AP3B1: variants seen among roughly 807,000 people sequenced by gnomAD.
AP3B1 encodes the protein adaptor related protein complex 3 subunit beta 1.
Under a neutral mutation model 132.5 loss-of-function variants are expected in AP3B1, and 61 were observed. The ratio of observed to expected loss-of-function variants is 0.46; its 90% CI spans 0.37 to 0.57. The LOEUF (loss-of-function observed/expected upper bound fraction) is 0.57. Ranked by LOEUF, AP3B1 falls within the 20% of genes least tolerant of loss-of-function variation. The probability of loss-of-function intolerance (pLI) is 0.00; values close to 1 mark genes in which losing one functional copy is unlikely to be tolerated. For synonymous variants in AP3B1, 388 were observed against 438.3 expected (o/e 0.89, Z 1.43); for missense variants, 1,120 against 1,289.4 (o/e 0.87, Z 2.01).
chr5:78,285,204 A>C (rs28730319), intron 1 of AP3B1, among the ~76,000 whole-genome samples: 1 of 150,568 alleles, frequency 6.6e-6, no homozygotes, highest in African/African-American at 2.4e-5. Flanking sequence ...AGTCGAGATC[A>C]CGCCACTGCA....
chr5:78,040,083 A>C (rs1489784990), intron 22 of AP3B1, among the ~76,000 whole-genome samples: 1 of 151,974 alleles, frequency 6.6e-6, no homozygotes, highest in Non-Finnish European at 1.5e-5. Flanking sequence ...ATTTTCTTTT[A>C]CTGTAAACTG....
chr5:78,004,022 C>T (rs936803255), intron 26 of AP3B1, among the ~76,000 whole-genome samples: 4 of 152,096 alleles, frequency 2.6e-5, no homozygotes, highest in African/African-American at 9.7e-5. Flanking sequence ...TGGAGAAAAA[C>T]AAAGTTGCTG....
At chr5:78,065,647 G>C (rs1749257477) in intron 22 of AP3B1, among the ~76,000 whole-genome samples, 1 of 152,080 alleles carries the variant, frequency 6.6e-6, no homozygotes, top group Admixed American at 6.5e-5. Context: ...AGGGGTTTAG[G>C]GACAGAACTC....
chr5:78,156,987 C>A (rs1743175420), intron 13 of AP3B1, among the ~76,000 whole-genome samples: 1 of 152,132 alleles, frequency 6.6e-6, no homozygotes, highest in African/African-American at 2.4e-5. Flanking sequence ...CAGCACTGTG[C>A]CCTAAGAGGC....
chr5:78,107,479 A>G (rs1436288162), intron 20 of AP3B1, among the ~76,000 whole-genome samples: 1 of 152,214 alleles, frequency 6.6e-6, no homozygotes, highest in Admixed American at 6.5e-5. Flanking sequence ...TGAATGCCAC[A>G]GTTGGCAGAA....
At chr5:78,249,170 C>A (rs1747517625) in intron 2 of AP3B1, among the ~76,000 whole-genome samples, 1 of 151,900 alleles carries the variant, frequency 6.6e-6, no homozygotes, top group Non-Finnish European at 1.5e-5. Flanking sequence ...GCCTGACCAA[C>A]ATGGTGAAAC....
At chr5:78,034,265 T>G (rs1462700471) in intron 24 of AP3B1, 96 bp downstream of exon 24, 1 of 918,110 alleles carries the variant, frequency 1.1e-6, no homozygotes, top group Non-Finnish European at 1.8e-6. Flanking sequence ...TTAAATGTTT[T>G]GTCTTTCACA....
intron 6 of AP3B1, among the ~76,000 whole-genome samples, chr5:78,224,016 A>G (rs1041919122): frequency 6.6e-6 from 1 of 152,040 alleles, no homozygotes; most frequent in Admixed American, 6.6e-5. Context: ...AGATCTTACT[A>G]CTCTCCATGG....
At position 78,119,734 on chromosome 5, in the gene AP3B1, G is replaced by A. The variant is rs951403690; in HGVS notation, c.1969-3500C>T. ...TCTCATTGGTGTACCTGAAAGTGAC[G>A]GGTAGAATGGAACCAAGTGGGAAAA... On this transcript the variant is annotated intron_variant, in intron 17 of 26. Transcript: ENST00000255194. 9.8e-5 allele frequency among the ~76,000 whole-genome samples: 15 copies of A among 152,300 alleles called. 1 individual carries two copies. The East Asian group carries it at 2.3e-3, about 24-fold the overall frequency.
rs774194664 is a variant in AP3B1 at position 78,165,624 on chromosome 5, G to A, written c.1216C>T (p.Leu406Phe). Residue 406 changes from leucine to phenylalanine, a missense_variant, in exon 12 of 27, where the codon CTT becomes TTT. By Grantham distance (22) the Leu-to-Phe change is conservative (BLOSUM62 0). Around this residue, in one of 3 missense-constraint regions of AP3B1, gnomAD observed 906 missense variants for 997.1 expected, o/e 0.91. Coordinates refer to ENST00000255194, the MANE Select transcript of AP3B1 (RefSeq NM_003664.5). ...TGTACACAAACCTGAAATTCTCGAA[G>A]AAGAGTTGATATGTTGGCTTCATTT... ...LANEANISTL[L>F]REFQTYVKSQ... is the part of the protein sequence containing the mutation. 1.2e-6 allele frequency: 2 copies of A among 1,609,282 alleles called. No homozygotes were observed. Among genetic ancestry groups the A allele is most frequent in the East Asian group, 4.5e-5 (2 of 44,794 alleles).
intron 12 of AP3B1, among the ~76,000 whole-genome samples, 197 bp from the exon 13 acceptor site, chr5:78,163,148 C>A (rs1449541495): frequency 6.6e-6 from 1 of 152,014 alleles, no homozygotes; most frequent in Non-Finnish European, 1.5e-5. Flanking sequence ...TGCCTATGGA[C>A]GAAGCACATT....
intron 22 of AP3B1, among the ~76,000 whole-genome samples, chr5:78,088,283 T>A (rs537598305): frequency 6.6e-6 from 1 of 152,208 alleles, no homozygotes; most frequent in African/African-American, 2.4e-5. Context: ...CTTTTCCTTT[T>A]AGAAACAAGG....
chr5:78,166,027 G>A (rs1743604478), intron 11 of AP3B1, among the ~76,000 whole-genome samples: 1 of 151,930 alleles, frequency 6.6e-6, no homozygotes, highest in African/African-American at 2.4e-5. Context: ...GCAGTGAGCA[G>A]GAGAATTGCT....
At chr5:78,229,571 AAAAC>A in intron 3 of AP3B1, among the ~76,000 whole-genome samples, 1 of 124,766 alleles carries the variant, frequency 8.0e-6, no homozygotes, top group East Asian at 2.6e-4. Context: ...CATTTCTAGT[AAAAC>A]AAAAAAAAAA....
At chr5:78,217,349 G>A (rs144697637) in intron 6 of AP3B1, among the ~76,000 whole-genome samples, 191 of 152,216 alleles carry the variant, frequency 1.3e-3, no homozygotes, top group African/African-American at 4.2e-3. Context: ...TTCAAGTCCT[G>A]TGGGGATTTT....
At chr5:78,173,711 T>G (rs570840897) in intron 11 of AP3B1, among the ~76,000 whole-genome samples, 1 of 151,992 alleles carries the variant, frequency 6.6e-6, no homozygotes, top group African/African-American at 2.4e-5. Flanking sequence ...CTGTATTTCT[T>G]GAATTTGAAT....
At chr5:78,168,785 CAAT>C (rs1049449341) in intron 11 of AP3B1, among the ~76,000 whole-genome samples, 2 of 152,154 alleles carry the variant, frequency 1.3e-5, no homozygotes, top group African/African-American at 4.8e-5. Context: ...ATAACTGTCT[CAAT>C]GATGTATAAT....
In AP3B1 at chr5:78,165,620, C is replaced by G. The variant is rs779980435; in HGVS notation, c.1220G>C (p.Arg407Pro). 1 of 1,608,172 alleles carries G rather than the reference C, an allele frequency of 6.2e-7. No individual in the cohort carries two copies. Among genetic ancestry groups the G allele is most frequent in the South Asian group, 1.1e-5 (1 of 90,584 alleles). Residue 407 changes from arginine (R) to proline (P), a missense_variant, in exon 12 of 27, where the codon CGA becomes CCA. Around this residue, in one of 3 missense-constraint regions of AP3B1, gnomAD observed 906 missense variants for 997.1 expected, o/e 0.91. Coordinates refer to ENST00000255194, the MANE Select transcript of AP3B1 (RefSeq NM_003664.5). ...ANEANISTLL[R>P]EFQTYVKSQD... is the part of the protein sequence containing the mutation. Reference sequence around the variant, plus strand: ...GCACTGTACACAAACCTGAAATTCTCGAAGAAGAGTTGATATGTTGGCTTC... The same window carrying G: ...GCACTGTACACAAACCTGAAATTCTGGAAGAAGAGTTGATATGTTGGCTTC...
intron 1 of AP3B1, among the ~76,000 whole-genome samples, chr5:78,291,339 A>G (rs1481937108): frequency 2.1e-5 from 3 of 143,898 alleles, no homozygotes; most frequent in Non-Finnish European, 4.6e-5. Flanking sequence ...AGATTGATCA[A>G]TGGTTGTTAA....
Sources: gnomAD v4.1 joint callset for allele counts (sites outside exome capture counted in the v4.1 genomes callset) on GRCh38, gnomAD v4.1.1 for gene constraint, gnomAD v4.1.1 regional missense constraint, MANE v1.5 for transcripts, NCBI Gene and HGNC (gene_info 2026-07-23, HGNC 2026-07-21) for gene names.